Variants in PLEKHA2 observed in about 807,000 individuals in gnomAD.
PLEKHA2 encodes the protein pleckstrin homology domain containing A2.
Under a neutral mutation model 53.2 loss-of-function variants are expected in PLEKHA2, and 28 were observed. The ratio of observed to expected loss-of-function variants is 0.53; its 90% CI spans 0.39 to 0.72. The LOEUF is 0.72. PLEKHA2 is among the 30% of genes least tolerant of loss of function. The probability of loss-of-function intolerance (pLI) is 0.00; values close to 1 mark genes in which losing one functional copy is unlikely to be tolerated. For missense variants in PLEKHA2, 426 were observed against 537.9 expected (o/e 0.79, Z 2.06); for synonymous variants, 193 against 196.4 (o/e 0.98, Z 0.14).
intron 1 of PLEKHA2, among the ~76,000 whole-genome samples, chr8:38,906,530 C>T (rs1179431181): frequency 6.6e-6 from 1 of 152,182 alleles, no homozygotes; most frequent in Non-Finnish European, 1.5e-5. Flanking sequence ...TCTGATCCGC[C>T]CCCCGCCATT....
At chr8:38,925,262 C>T (rs1479817612) in intron 2 of PLEKHA2, among the ~76,000 whole-genome samples, 3 of 152,124 alleles carry the variant, frequency 2.0e-5, no homozygotes, top group Admixed American at 6.5e-5. Context: ...CATTGGTTCC[C>T]GTCATGATAG....
chr8:38,904,427 T>A (rs1217030327), intron 1 of PLEKHA2, among the ~76,000 whole-genome samples: 2 of 152,222 alleles, frequency 1.3e-5, no homozygotes, highest in Non-Finnish European at 2.9e-5. Context: ...CTTGTCCTTA[T>A]GCTCTTGAGA....
chr8:38,937,700 C>T (rs1464494626), intron 3 of PLEKHA2, among the ~76,000 whole-genome samples: 3 of 152,140 alleles, frequency 2.0e-5, no homozygotes, highest in African/African-American at 4.8e-5. Context: ...GCCACTGGGT[C>T]GGGTTACACA....
chr8:38,943,505 T>C (rs919783514), intron 3 of PLEKHA2, among the ~76,000 whole-genome samples: 2 of 151,882 alleles, frequency 1.3e-5, no homozygotes, highest in African/African-American at 4.8e-5. Context: ...AAATAAATAA[T>C]AAACATAAGT....
intron 2 of PLEKHA2, among the ~76,000 whole-genome samples, chr8:38,928,929 C>T (rs919976159): frequency 1.3e-5 from 2 of 152,128 alleles, no homozygotes; most frequent in Non-Finnish European, 1.5e-5. Flanking sequence ...GCCTGGGATT[C>T]GCTTGGCTCC....
At chr8:38,953,491 T>C in intron 9 of PLEKHA2, 124 bp downstream of exon 9, 1 of 989,748 alleles carries the variant, frequency 1.0e-6, no homozygotes, top group Non-Finnish European at 1.6e-6. Context: ...CACAGGAGCC[T>C]AACACCTTGT....
At chr8:38,956,743 C>A (rs1166716675) in intron 9 of PLEKHA2, among the ~76,000 whole-genome samples, 2 of 151,944 alleles carry the variant, frequency 1.3e-5, no homozygotes, top group African/African-American at 2.4e-5. Flanking sequence ...GACCCTGTCT[C>A]AAAAAAATAA....
At chr8:38,933,183 G>T (rs900060390) in intron 2 of PLEKHA2, among the ~76,000 whole-genome samples, 1 of 152,106 alleles carries the variant, frequency 6.6e-6, no homozygotes, top group African/African-American at 2.4e-5. Context: ...AGGAGAGTGT[G>T]TTGTGCAACA....
chr8:38,929,172 G>A (rs1834343532), intron 2 of PLEKHA2, among the ~76,000 whole-genome samples: 1 of 152,178 alleles, frequency 6.6e-6, no homozygotes, highest in Admixed American at 6.5e-5. Flanking sequence ...CTAGCTCTGG[G>A]ATTACCAGGG....
At chr8:38,963,162 C>G (rs1219976400) in intron 10 of PLEKHA2, among the ~76,000 whole-genome samples, 1 of 152,212 alleles carries the variant, frequency 6.6e-6, no homozygotes, top group Non-Finnish European at 1.5e-5. Flanking sequence ...TACAATAAAA[C>G]TGCAGGCTGC....
Position 38,957,395 on chromosome 8 carries a change from C to T in PLEKHA2, c.837+9C>T, listed in dbSNP as rs770589562. 6.2e-7 allele frequency: 1 copy of T among 1,608,218 alleles called. No individual in the cohort carries two copies. Among genetic ancestry groups the T allele is most frequent in the African/African-American group, 1.3e-5 (1 of 74,900 alleles). On this transcript the variant is annotated intron_variant, in intron 10 of 11. Transcript: ENST00000617275. ...GGACCTTCTACGTACAGGTAAAATG[C>T]TCCCTTCCAGAAGACTCCAGCATTC...
intron 2 of PLEKHA2, among the ~76,000 whole-genome samples, chr8:38,920,575 G>GTT (rs911420176): frequency 2.2e-5 from 3 of 134,142 alleles, no homozygotes; most frequent in Non-Finnish European, 3.3e-5. Context: ...GCACCTGGCC[G>GTT]TTTTTTTTTT....
At chr8:38,954,398 T>C (rs922602889) in intron 9 of PLEKHA2, among the ~76,000 whole-genome samples, 1 of 152,104 alleles carries the variant, frequency 6.6e-6, no homozygotes, top group Non-Finnish European at 1.5e-5. Flanking sequence ...TTGGGCATGA[T>C]GAGATCCTTG....
At chr8:38,948,286 T>A (rs1408133280) in intron 5 of PLEKHA2, among the ~76,000 whole-genome samples, 2 of 152,156 alleles carry the variant, frequency 1.3e-5, no homozygotes, top group Non-Finnish European at 2.9e-5. Context: ...AGGTAGGTCG[T>A]GACATGCAGC....
At chr8:38,905,669 G>GT (rs1298033163) in intron 1 of PLEKHA2, among the ~76,000 whole-genome samples, 6 of 137,818 alleles carry the variant, frequency 4.4e-5, no homozygotes, top group African/African-American at 1.6e-4. Flanking sequence ...GAGAAATTAT[G>GT]TTTTTTGTGT....
Position 38,950,720 on chromosome 8 carries a change from G to T in PLEKHA2, c.346-130G>T, listed in dbSNP as rs949965392. On this transcript the variant is annotated intron_variant, in intron 5 of 11. Coordinates refer to ENST00000617275, the MANE Select transcript of PLEKHA2 (RefSeq NM_021623.2). ...TTCAGATTTGGACTGTGGAAGGCTTGGGGAGGACACGCAAGTCTGACTGTA... is the reference window on the plus strand; with the variant it reads ...TTCAGATTTGGACTGTGGAAGGCTTTGGGAGGACACGCAAGTCTGACTGTA... 1.4e-5 allele frequency: 16 copies of T among 1,132,758 alleles called. 1 individual carries two copies. The African/African-American group carries it at 2.0e-4, about 14-fold the overall frequency. The allele number at this position is 1,132,758 out of a possible 1,614,324, so 70.2% of individuals were successfully genotyped here. A position where few individuals can be genotyped will look rare whatever the true frequency, so the allele number is the denominator to read the frequency against.
At position 38,972,698 on chromosome 8, in the gene PLEKHA2, A is replaced by G. The variant is rs1037691966; in HGVS notation, c.*2915A>G. The G allele has an allele frequency of 3.9e-5, 6 of 152,206 alleles. 1 individual carries two copies. Among genetic ancestry groups the G allele is most frequent in the African/African-American group, 1.4e-4 (6 of 41,446 alleles). 9.4% of individuals were successfully genotyped at this position (152,206 alleles called of 1,614,324 possible). The stretch of plus-strand genomic sequence containing the variant: ...AGTTTTAAATGTATAAAATTGAACC[A>G]AATGGAAAAAATAGGTTGGGGATGC... On this transcript the variant is annotated 3_prime_UTR_variant, in exon 12 of 12. Transcript: ENST00000617275.
intron 11 of PLEKHA2, 105 bp from the exon 12 acceptor site, chr8:38,969,316 A>T: frequency 7.5e-7 from 1 of 1,340,576 alleles, no homozygotes; most frequent in Non-Finnish European, 1.0e-6. Context: ...CCTTGGACTT[A>T]TGAGGTGGTG....
intron 5 of PLEKHA2, chr8:38,950,549 G>A (rs959022225): frequency 2.3e-5 from 6 of 262,702 alleles, no homozygotes; most frequent in African/African-American, 1.1e-4. Flanking sequence ...GTGCCGTGAA[G>A]GTGGGGACCC....
Sources: gnomAD v4.1 joint callset for allele counts (sites outside exome capture counted in the v4.1 genomes callset) on GRCh38, gnomAD v4.1.1 for gene constraint, MANE v1.5 for transcripts, NCBI Gene and HGNC (gene_info 2026-07-23, HGNC 2026-07-21) for gene names.